THSD4: variants seen among roughly 807,000 people sequenced by gnomAD.
THSD4 encodes the protein thrombospondin type-1 domain-containing protein 4.
THSD4 carries 69 observed loss-of-function variants against 119.0 expected under a neutral mutation model. That is an observed-to-expected ratio of 0.58 (90% CI 0.48 to 0.71). The LOEUF (loss-of-function observed/expected upper bound fraction) is 0.71. Ranked by LOEUF, THSD4 falls within the 30% of genes least tolerant of loss-of-function variation. THSD4 has a pLI of 0.00. For missense variants in THSD4, 1,393 were observed against 1,391.1 expected (o/e 1.00, Z -0.02); for synonymous variants, 524 against 540.4 (o/e 0.97, Z 0.42).
chr15:71,432,521 CTTCT>C (rs1207682218), intron 7 of THSD4, among the ~76,000 whole-genome samples: 1 of 86,142 alleles, frequency 1.2e-5, no homozygotes, highest in Non-Finnish European at 2.4e-5. Context: ...CTTTCCCTCC[CTTCT>C]TTTTTTTTTT....
intron 7 of THSD4, among the ~76,000 whole-genome samples, chr15:71,495,486 T>C (rs2048000414): frequency 6.6e-6 from 1 of 152,046 alleles, no homozygotes; most frequent in Non-Finnish European, 1.5e-5. Flanking sequence ...TAAACTGAAA[T>C]AGGATACTAA....
At chr15:71,484,032 G>A (rs1420249373) in intron 7 of THSD4, among the ~76,000 whole-genome samples, 7 of 152,116 alleles carry the variant, frequency 4.6e-5, no homozygotes, top group Non-Finnish European at 1.0e-4. Context: ...TCTATAAAGA[G>A]GAAACGGCCT....
chr15:71,470,762 A>T (rs978515665), intron 7 of THSD4, among the ~76,000 whole-genome samples: 28 of 151,850 alleles, frequency 1.8e-4, no homozygotes, highest in African/African-American at 5.8e-4. Flanking sequence ...CAGCCTCCCG[A>T]GTAGCTGGGA....
At chr15:71,332,892 A>ATTTTTTTTTTTTTTTTTTTTGTTTT in intron 6 of THSD4, among the ~76,000 whole-genome samples, 1 of 76,940 alleles carries the variant, frequency 1.3e-5, no homozygotes, top group Non-Finnish European at 2.6e-5. Flanking sequence ...ATTTTTTTAC[A>ATTTTTTTTTTTTTTTTTTTTGTTTT]TTTTTTTTTT....
chr15:71,574,956 A>G (rs548032553), intron 7 of THSD4, among the ~76,000 whole-genome samples: 3 of 152,282 alleles, frequency 2.0e-5, no homozygotes, highest in Admixed American at 1.3e-4. Context: ...CCACAGCATT[A>G]TAGTCTTCTG....
chr15:71,167,970 G>A (rs1414948692), intron 3 of THSD4, among the ~76,000 whole-genome samples: 1 of 152,210 alleles, frequency 6.6e-6, no homozygotes, highest in Non-Finnish European at 1.5e-5. Context: ...TCCCACAACA[G>A]TGCAGGAAAA....
rs141958691 is a variant in THSD4 at position 71,458,471 on chromosome 15, T to C, written c.1152+46648T>C. On this transcript the variant is annotated intron_variant, in intron 7 of 17. Transcript: ENST00000261862. The stretch of plus-strand genomic sequence containing the variant: ...AATAAATGTAAAAAAACAACAGTAC[T>C]GCAGTAGGACTATGATAAGGTGTAT... Among the ~76,000 whole-genome samples the C allele has an allele frequency of 3.1e-4, 47 of 152,356 alleles. No individual in the cohort carries two copies. The East Asian group carries it at 5.2e-3, about 17-fold the overall frequency.
At chr15:71,359,714 G>A (rs1052623709) in intron 6 of THSD4, among the ~76,000 whole-genome samples, 4 of 152,206 alleles carry the variant, frequency 2.6e-5, no homozygotes, top group African/African-American at 9.7e-5. Flanking sequence ...GAAGGCTGAG[G>A]TGAAAGGATC....
At position 71,736,062 on chromosome 15, in the gene THSD4, T is replaced by TCTCTCTGTCTCTCTCTTG. The variant is rs56651602; in HGVS notation, c.1631-1637_1631-1620dup. Reference sequence around the variant, plus strand: ...CCTGCTCTCTTGCTTTCTGTCTCTATCTCTCTGTCTCTCTCTTGCTCTCTG... The same window carrying TCTCTCTGTCTCTCTCTTG: ...CCTGCTCTCTTGCTTTCTGTCTCTATCTCTCTGTCTCTCTCTTGCTCTCTGTCTCTCTCTTGCTCTCTG... On this transcript the variant is annotated intron_variant, in intron 10 of 17. Coordinates refer to ENST00000261862, the MANE Select transcript of THSD4 (RefSeq NM_024817.3). Among the ~76,000 whole-genome samples, 39 of 118,796 alleles carry TCTCTCTGTCTCTCTCTTG rather than the reference T, an allele frequency of 3.3e-4. 1 individual carries two copies. The East Asian group carries it at 8.8e-3, about 27-fold the overall frequency. The allele number at this position is 118,796 out of a possible 152,430, so 77.9% of individuals were successfully genotyped here.
chr15:71,306,700 A>G (rs1389225228), intron 6 of THSD4, among the ~76,000 whole-genome samples: 1 of 152,242 alleles, frequency 6.6e-6, no homozygotes, highest in Admixed American at 6.5e-5. Flanking sequence ...AGTGCTGCAT[A>G]TAATCTTACC....
chr15:71,297,889 C>T (rs1324521513), intron 6 of THSD4, among the ~76,000 whole-genome samples: 1 of 152,176 alleles, frequency 6.6e-6, no homozygotes, highest in Non-Finnish European at 1.5e-5. Context: ...AACATTTTCC[C>T]ATTCTGCCAT....
At chr15:71,206,214 G>T (rs964312281) in intron 3 of THSD4, among the ~76,000 whole-genome samples, 1 of 152,124 alleles carries the variant, frequency 6.6e-6, no homozygotes, top group Non-Finnish European at 1.5e-5. Context: ...GTTTCACCAC[G>T]TTGGCCAGGC....
chr15:71,617,163 A>G (rs928048481), intron 7 of THSD4, among the ~76,000 whole-genome samples: 3 of 152,228 alleles, frequency 2.0e-5, no homozygotes, highest in East Asian at 1.9e-4. Context: ...CCAATCTGAG[A>G]TTTCTTACCC....
intron 3 of THSD4, among the ~76,000 whole-genome samples, chr15:71,214,298 T>G (rs1273390885): frequency 6.6e-6 from 1 of 152,220 alleles, no homozygotes; most frequent in Non-Finnish European, 1.5e-5. Flanking sequence ...CGCAACTTGC[T>G]GAGGTATCTT....
At chr15:71,766,755 A>G (rs1304361185) in intron 16 of THSD4, 1 of 152,174 alleles carries the variant, frequency 6.6e-6, no homozygotes, top group Non-Finnish European at 1.5e-5. Flanking sequence ...CTTCAAAAAC[A>G]CCCCAAATGT....
intron 6 of THSD4, among the ~76,000 whole-genome samples, chr15:71,346,140 C>T (rs1050227302): frequency 6.6e-6 from 1 of 152,074 alleles, no homozygotes; most frequent in African/African-American, 2.4e-5. Flanking sequence ...TCTCCTTCAG[C>T]CTGGAAGTAT....
intron 6 of THSD4, among the ~76,000 whole-genome samples, chr15:71,364,109 G>A (rs1596368699): frequency 6.6e-6 from 1 of 152,210 alleles, no homozygotes; most frequent in Non-Finnish European, 1.5e-5. Context: ...GCCTTCACCA[G>A]AAGTAACCTA....
chr15:71,165,258 C>A, intron 3 of THSD4: 1 of 1,564,264 alleles, frequency 6.4e-7, no homozygotes, highest in African/African-American at 1.4e-5. Context: ...TTGTCTTTAG[C>A]AGAAATGGTC....
intron 7 of THSD4, among the ~76,000 whole-genome samples, chr15:71,550,800 A>G (rs1258400499): frequency 3.3e-5 from 5 of 152,226 alleles, no homozygotes; most frequent in Admixed American, 2.0e-4. Flanking sequence ...GCTGATGGGT[A>G]CAGACAAGGT....
Sources: gnomAD v4.1 joint callset for allele counts (sites outside exome capture counted in the v4.1 genomes callset) on GRCh38, gnomAD v4.1.1 for gene constraint, MANE v1.5 for transcripts, NCBI Gene and HGNC (gene_info 2026-07-23, HGNC 2026-07-21) for gene names.